FIG4: variants seen among roughly 807,000 people sequenced by gnomAD.
The protein encoded by FIG4 is polyphosphoinositide phosphatase.
Under a neutral mutation model 118.6 loss-of-function variants are expected in FIG4, and 112 were observed. The ratio of observed to expected loss-of-function variants is 0.94; its 90% confidence interval spans 0.81 to 1.11. The LOEUF (loss-of-function observed/expected upper bound fraction) is 1.11, where lower values mean the gene tolerates loss of function less well. Ranked by LOEUF, FIG4 falls within the 50% of genes least tolerant of loss-of-function variation. The pLI, the probability that FIG4 is intolerant of heterozygous loss-of-function variation, is 0.00. For missense variants in FIG4, 969 were observed against 1,111.7 expected (o/e 0.87, Z 1.83); for synonymous variants, 369 against 381.2 (o/e 0.97, Z 0.37).
At position 109,785,000 on chromosome 6, in the gene FIG4, A is replaced by G. The variant is rs751898627; in HGVS notation, c.1920A>G (p.Ile640Met). 1 of 1,571,998 alleles carries G rather than the reference A, an allele frequency of 6.4e-7. No homozygotes were observed. The highest frequency in any genetic ancestry group is 2.2e-5 in the East Asian group (1 of 44,626). Reference sequence around the variant, plus strand: ...CTTACTGGTGGACACCAGAGGTGATAAAGCATTTACCATTGCCCTATGATG... The same window carrying G: ...CTTACTGGTGGACACCAGAGGTGATGAAGCATTTACCATTGCCCTATGATG... ...SYTYWWTPEV[I>M]KHLPLPYDEV... The change falls in exon 17 of 23, where the codon ATA becomes ATG. Residue 640 changes from isoleucine to methionine, a missense_variant. Ile to Met is a conservative substitution (Grantham distance 10, BLOSUM62 1). This residue lies in a region of FIG4 where 330 missense variants were observed against 348.1 expected (regional missense o/e 0.95). Coordinates refer to ENST00000230124, the MANE Select transcript of FIG4 (RefSeq NM_014845.6).
chr6:109,806,126 C>CT (rs1446784078), intron 22 of FIG4, among the ~76,000 whole-genome samples: 1 of 152,026 alleles, frequency 6.6e-6, no homozygotes, highest in African/African-American at 2.4e-5. Flanking sequence ...AAAGATTTTG[C>CT]TTTTACTTGT....
intron 22 of FIG4, among the ~76,000 whole-genome samples, chr6:109,798,632 T>G (rs1778349956): frequency 6.6e-6 from 1 of 152,136 alleles, no homozygotes; most frequent in Admixed American, 6.5e-5. Context: ...GAGAACAGTC[T>G]GCAGCTGATC....
At chr6:109,710,692 T>G (rs966377844) in intron 1 of FIG4, among the ~76,000 whole-genome samples, 11 of 152,196 alleles carry the variant, frequency 7.2e-5, no homozygotes, top group Admixed American at 6.5e-4. Context: ...GAGTTTCTTC[T>G]TGGTTCAGTC....
chr6:109,709,219 A>T (rs1013905604), intron 1 of FIG4, among the ~76,000 whole-genome samples: 11 of 152,320 alleles, frequency 7.2e-5, no homozygotes, highest in African/African-American at 2.6e-4. Flanking sequence ...TGAATAGGGA[A>T]TCCTTTCCCC....
intron 15 of FIG4, among the ~76,000 whole-genome samples, chr6:109,771,544 C>T (rs1478804762): frequency 6.8e-6 from 1 of 146,164 alleles, no homozygotes; most frequent in African/African-American, 2.5e-5. Context: ...TCTCGGCTCA[C>T]TGCAAGCTCC....
intron 18 of FIG4, among the ~76,000 whole-genome samples, chr6:109,787,669 A>G (rs547576291): frequency 2.1e-4 from 32 of 152,320 alleles, no homozygotes; most frequent in Non-Finnish European, 4.1e-4. Flanking sequence ...ATAGTTTCCA[A>G]GAACCTATCA....
At chr6:109,789,558 T>C (rs1191935340) in intron 18 of FIG4, 36 bp from the exon 19 acceptor site, 1 of 1,417,298 alleles carries the variant, frequency 7.1e-7, no homozygotes, top group African/African-American at 1.4e-5. Context: ...GGATGGACAG[T>C]AATTCATATG....
chr6:109,765,685 A>T (rs1028595912), intron 14 of FIG4, among the ~76,000 whole-genome samples: 1 of 152,226 alleles, frequency 6.6e-6, no homozygotes, highest in African/African-American at 2.4e-5. Context: ...GGCATTTTAA[A>T]AAAGAGTACT....
chr6:109,749,507 A>G (rs972587095), intron 10 of FIG4, among the ~76,000 whole-genome samples: 1 of 152,042 alleles, frequency 6.6e-6, no homozygotes, highest in African/African-American at 2.4e-5. Context: ...TTATTGCCAA[A>G]GTGTTAAATT....
chr6:109,750,224 G>A (rs898235956), intron 10 of FIG4, among the ~76,000 whole-genome samples: 7 of 152,314 alleles, frequency 4.6e-5, no homozygotes, highest in South Asian at 2.1e-4. Flanking sequence ...CAATCCATGT[G>A]CCTTCAATGC....
intron 1 of FIG4, 131 bp from the exon 2 acceptor site, chr6:109,714,947 C>A: frequency 1.7e-6 from 1 of 596,350 alleles, no homozygotes; most frequent in East Asian, 2.8e-5. Flanking sequence ...GCCAGTTATA[C>A]ATAACAGAAA....
intron 11 of FIG4, 97 bp downstream of exon 11, chr6:109,760,480 G>A: frequency 8.8e-7 from 1 of 1,134,422 alleles, no homozygotes. Context: ...ATGTTACCCT[G>A]TTAATTTCCT....
chr6:109,796,707 C>CACCATTTTGTG (rs1778296658), intron 21 of FIG4, 58 bp from the exon 22 acceptor site: 3 of 976,556 alleles, frequency 3.1e-6, no homozygotes, highest in Middle Eastern at 4.1e-4. Context: ...GTGTGATCTA[C>CACCATTTTGTG]TGAATTAATT....
chr6:109,776,777 ATGTG>A, intron 15 of FIG4, 141 bp from the exon 16 acceptor site: 1 of 666,142 alleles, frequency 1.5e-6, no homozygotes, highest in Non-Finnish European at 2.6e-6. Context: ...TTGGTAACTT[ATGTG>A]TGTGTGTATG....
chr6:109,710,874 A>G (rs1233993577), intron 1 of FIG4, among the ~76,000 whole-genome samples: 1 of 151,476 alleles, frequency 6.6e-6, no homozygotes, highest in Non-Finnish European at 1.5e-5. Context: ...TTTCTTTACT[A>G]GTCTAGCCTC....
rs375285320 is a variant in FIG4, at chr6:109,743,094, G to T, written c.877-16G>T. The T allele has an allele frequency of 5.0e-6, 8 of 1,605,406 alleles. No individual in the cohort carries two copies. Among genetic ancestry groups the T allele is most frequent in the Non-Finnish European group, 6.0e-6 (7 of 1,172,940 alleles). On this transcript the variant is annotated splice_polypyrimidine_tract_variant and intron_variant, in intron 8 of 22. Transcript: ENST00000230124. Reference sequence around the variant, plus strand: ...CTAATAACATAAAATATTTTTCAATGCACCTTTCTTTTCAGGGTGATGTTG... The same window carrying T: ...CTAATAACATAAAATATTTTTCAATTCACCTTTCTTTTCAGGGTGATGTTG...
In FIG4 at chr6:109,756,599, A is replaced by G. The variant is rs141978461; in HGVS notation, c.1138-3651A>G. 2.2e-3 allele frequency among the ~76,000 whole-genome samples: 330 copies of G among 152,196 alleles called. 2 individuals carry two copies. Among genetic ancestry groups the G allele is most frequent in the Middle Eastern group, 0.01 (3 of 292 alleles). ...CAATCAGAGCAGATTTGGTCTTTTC[A>G]CATAGTCCCATATTTCTTGGAGTCT... is the stretch of plus-strand genomic sequence containing the variant. On this transcript the variant is annotated intron_variant, in intron 10 of 22. Coordinates refer to ENST00000230124, the MANE Select transcript of FIG4 (RefSeq NM_014845.6).
At chr6:109,769,536 A>G (rs972400598) in intron 15 of FIG4, among the ~76,000 whole-genome samples, 1 of 152,162 alleles carries the variant, frequency 6.6e-6, no homozygotes, top group Non-Finnish European at 1.5e-5. Context: ...AATTTTCTTT[A>G]AACCACTCAA....
chr6:109,765,389 C>A (rs911912555), intron 14 of FIG4, among the ~76,000 whole-genome samples: 1 of 151,938 alleles, frequency 6.6e-6, no homozygotes, highest in South Asian at 2.1e-4. Flanking sequence ...TTTTTGTATA[C>A]GTTAAGAGAC....
Sources: gnomAD v4.1 joint callset for allele counts (sites outside exome capture counted in the v4.1 genomes callset) on GRCh38, gnomAD v4.1.1 for gene constraint, gnomAD v4.1.1 regional missense constraint, MANE v1.5 for transcripts, NCBI Gene and HGNC (gene_info 2026-07-23, HGNC 2026-07-21) for gene names.